Variants in THRB observed in about 807,000 individuals in gnomAD.
THRB encodes thyroid hormone receptor beta.
A neutral mutation model predicts 47.8 loss-of-function variants in THRB; 12 were observed. The observed-to-expected ratio is 0.25, with a 90% CI of 0.16 to 0.41. The LOEUF (loss-of-function observed/expected upper bound fraction) is 0.41, where lower values mean the gene tolerates loss of function less well. Among genes scored for constraint, THRB ranks in the 10% least tolerant of loss-of-function variants. The probability of loss-of-function intolerance (pLI) is 1.00; values close to 1 mark genes in which losing one functional copy is unlikely to be tolerated. For missense variants in THRB, 348 were observed against 589.2 expected, an observed-to-expected ratio of 0.59 and a Z score of 4.24; for synonymous variants, 218 against 212.2, an observed-to-expected ratio of 1.03 and a Z score of -0.24.
chr3:24,169,901 G>C (rs1281620475), intron 5 of THRB, among the ~76,000 whole-genome samples: 1 of 144,194 alleles, frequency 6.9e-6, no homozygotes, highest in East Asian at 2.0e-4. Context: ...GTAGTTGCAA[G>C]AGAGACCTTA....
At chr3:24,282,601 G>A in intron 3 of THRB, among the ~76,000 whole-genome samples, 1 of 131,460 alleles carries the variant, frequency 7.6e-6, no homozygotes, top group Non-Finnish European at 1.5e-5. Flanking sequence ...AGAACTGAAG[G>A]AAATAGAGAC....
chr3:24,301,719 C>G (rs958774047), intron 2 of THRB, among the ~76,000 whole-genome samples: 1 of 152,066 alleles, frequency 6.6e-6, no homozygotes, highest in Non-Finnish European at 1.5e-5. Flanking sequence ...ACTTTATTGC[C>G]GAATCCTGTA....
intron 1 of THRB, among the ~76,000 whole-genome samples, chr3:24,382,174 T>G (rs2065762779): frequency 1.3e-5 from 2 of 151,120 alleles, no homozygotes; most frequent in Admixed American, 1.3e-4. Flanking sequence ...TAGAAAAGAG[T>G]GAGTTTGGAC....
chr3:24,435,815 C>A (rs1380348863), intron 1 of THRB, among the ~76,000 whole-genome samples: 1 of 152,162 alleles, frequency 6.6e-6, no homozygotes, highest in Non-Finnish European at 1.5e-5. Flanking sequence ...GCAGATGCAA[C>A]GTTGGCCTCC....
In THRB at chr3:24,122,488, C is replaced by A. The variant is rs149900488; in HGVS notation, c.*396G>T. The A allele has an allele frequency of 1.6e-5, 5 of 305,362 alleles. No homozygotes were observed. The highest frequency in any genetic ancestry group is 2.5e-5 in the Non-Finnish European group (4 of 157,318). 18.9% of individuals were successfully genotyped at this position (305,362 alleles called of 1,614,324 possible). On this transcript the variant is annotated 3_prime_UTR_variant, in exon 11 of 11. Transcript: ENST00000646209. Reference sequence around the variant, plus strand: ...CTGTGCTCTGTTAACTTCAGCCCTGCGAACATCAGGATTGGGTGGAGGTGG... The same window carrying A: ...CTGTGCTCTGTTAACTTCAGCCCTGAGAACATCAGGATTGGGTGGAGGTGG...
At position 24,127,412 on chromosome 3, in the gene THRB, G is replaced by C. The variant is rs184529094; in HGVS notation, c.1144+87C>G. On this transcript the variant is annotated intron_variant, in intron 10 of 10. Coordinates refer to ENST00000646209, the MANE Select transcript of THRB (RefSeq NM_001354712.2). ...AGTGAGCTATGTTTCTGAAGCTAAA[G>C]GGGGACTGAAAACTCAAGTGATTGG... is the stretch of plus-strand genomic sequence containing the variant. 3.7e-5 allele frequency: 52 copies of C among 1,409,752 alleles called. 1 individual carries two copies. In the East Asian group the frequency reaches 9.3e-4, roughly 25 times the overall value. The allele number at this position is 1,409,752 out of a possible 1,614,324, so 87.3% of individuals were successfully genotyped here. A position where few individuals can be genotyped will look rare whatever the true frequency, so the allele number is the denominator to read the frequency against.
intron 3 of THRB, among the ~76,000 whole-genome samples, chr3:24,274,927 T>C (rs754076343): frequency 6.6e-6 from 1 of 152,236 alleles, no homozygotes; most frequent in Non-Finnish European, 1.5e-5. Context: ...ACTTATAAAA[T>C]GTACAATATC....
intron 3 of THRB, among the ~76,000 whole-genome samples, chr3:24,284,562 A>G (rs926394291): frequency 6.6e-6 from 1 of 151,622 alleles, no homozygotes; most frequent in Non-Finnish European, 1.5e-5. Context: ...AATGTCAACA[A>G]AAGCCAAAAT....
chr3:24,492,504 C>A (rs1241558085), intron 1 of THRB, among the ~76,000 whole-genome samples: 1 of 152,148 alleles, frequency 6.6e-6, no homozygotes, highest in Non-Finnish European at 1.5e-5. Flanking sequence ...GGCGAAGAAA[C>A]CAATCACCTT....
At chr3:24,401,170 G>A (rs2067367779) in intron 1 of THRB, among the ~76,000 whole-genome samples, 2 of 152,018 alleles carry the variant, frequency 1.3e-5, no homozygotes, top group South Asian at 4.1e-4. Context: ...CTAAAGGCAC[G>A]ATTAATGCAC....
intron 3 of THRB, among the ~76,000 whole-genome samples, chr3:24,254,796 G>A (rs560310401): frequency 4.6e-4 from 70 of 152,286 alleles, no homozygotes; most frequent in African/African-American, 1.5e-3. Context: ...TAACCAGCAC[G>A]TACACCATTT....
At chr3:24,201,930 G>C (rs1259317202) in intron 4 of THRB, among the ~76,000 whole-genome samples, 1 of 152,056 alleles carries the variant, frequency 6.6e-6, no homozygotes, top group African/African-American at 2.4e-5. Flanking sequence ...ATTTTGATCA[G>C]TTTTCATTTA....
intron 7 of THRB, among the ~76,000 whole-genome samples, chr3:24,146,292 A>T (rs1314093176): frequency 6.6e-6 from 1 of 152,214 alleles, no homozygotes; most frequent in Admixed American, 6.5e-5. Context: ...ACCCCATGTG[A>T]ACACTGTGTA....
chr3:24,133,604 A>C, intron 8 of THRB, 142 bp from the exon 9 acceptor site: 1 of 793,720 alleles, frequency 1.3e-6, no homozygotes, highest in Non-Finnish European at 2.1e-6. Context: ...AACAAACTGT[A>C]CAGTTTACAC....
intron 3 of THRB, among the ~76,000 whole-genome samples, chr3:24,260,067 C>T (rs371470542): frequency 6.6e-6 from 1 of 152,158 alleles, no homozygotes; most frequent in Non-Finnish European, 1.5e-5. Context: ...TCACCTCAAC[C>T]CTAAGCAACC....
intron 1 of THRB, among the ~76,000 whole-genome samples, chr3:24,364,764 C>T (rs2064333296): frequency 6.6e-6 from 1 of 152,082 alleles, no homozygotes; most frequent in African/African-American, 2.4e-5. Context: ...AAGAAAGCAG[C>T]CTCTACAGGT....
At chr3:24,245,926 G>GCAAAA (rs111771093) in intron 3 of THRB, among the ~76,000 whole-genome samples, 32,234 of 151,626 alleles carry the variant, frequency 0.21, 4,909 homozygotes, top group African/African-American at 0.43. Context: ...ACAATACAAA[G>GCAAAA]CAAAACAAAA....
intron 1 of THRB, among the ~76,000 whole-genome samples, chr3:24,452,086 T>C (rs901950448): frequency 6.6e-6 from 1 of 151,986 alleles, no homozygotes; most frequent in Admixed American, 6.6e-5. Context: ...ATGGGAGAAA[T>C]GAGAAAGAGT....
rs2034201132 is a variant in THRB at position 24,133,640 on chromosome 3, G to A, written c.739-178C>T. Among the ~76,000 whole-genome samples the A allele has an allele frequency of 4.0e-5, 6 of 151,830 alleles. No homozygotes were observed. In the South Asian group the frequency reaches 1.2e-3, roughly 32 times the overall value. Reference sequence around the variant, plus strand: ...ATCTTTGAGTAAAGATATATGTTTTGGCCATTGCTTTAATAGGCCCTCAGT... The same window carrying A: ...ATCTTTGAGTAAAGATATATGTTTTAGCCATTGCTTTAATAGGCCCTCAGT... On this transcript the variant is annotated intron_variant, in intron 8 of 10. Transcript: ENST00000646209.
Sources: gnomAD v4.1 joint callset for allele counts (sites outside exome capture counted in the v4.1 genomes callset) on GRCh38, gnomAD v4.1.1 for gene constraint, MANE v1.5 for transcripts, NCBI Gene and HGNC (gene_info 2026-07-23, HGNC 2026-07-21) for gene names.